Variants in ILRUN observed in about 807,000 individuals in gnomAD.
ILRUN encodes the protein protein ILRUN.
ILRUN carries 3 observed loss-of-function variants against 33.8 expected under a neutral mutation model. That is an observed-to-expected ratio of 0.09 (90% CI 0.04 to 0.23). The LOEUF (loss-of-function observed/expected upper bound fraction) is 0.23, where lower values mean the gene tolerates loss of function less well. Ranked by LOEUF, ILRUN falls within the 10% of genes least tolerant of loss-of-function variation. The pLI is 1.00. For missense variants in ILRUN, 210 were observed against 375.1 expected, an observed-to-expected ratio of 0.56 and a Z score of 3.64; for synonymous variants, 124 against 138.9, an observed-to-expected ratio of 0.89 and a Z score of 0.75.
chr6:34,676,394 TTC>T (rs1394367763), intron 1 of ILRUN, among the ~76,000 whole-genome samples: 3 of 141,096 alleles, frequency 2.1e-5, no homozygotes, highest in Non-Finnish European at 1.5e-5. Context: ...GCAAGACCCT[TTC>T]TCTCTCTCCA....
rs1040381540 is a variant in ILRUN, at chr6:34,588,887, A to C, written c.*1678T>G. On this transcript the variant is annotated 3_prime_UTR_variant, in exon 5 of 5. Coordinates refer to ENST00000374023, the MANE Select transcript of ILRUN (RefSeq NM_024294.4). ...AGAAGAGGATGAGGAGGAACAAACAACACACATTTTTTGGAACTCAGACAC... is the reference window on the plus strand; with the variant it reads ...AGAAGAGGATGAGGAGGAACAAACACCACACATTTTTTGGAACTCAGACAC... 9.8e-5 allele frequency: 15 copies of C among 152,844 alleles called. No individual in the cohort carries two copies. Among genetic ancestry groups the C allele is most frequent in the African/African-American group, 2.9e-4 (12 of 41,450 alleles). 9.5% of individuals were successfully genotyped at this position (152,844 alleles called of 1,614,324 possible).
At chr6:34,607,107 C>G (rs926191981) in intron 3 of ILRUN, among the ~76,000 whole-genome samples, 2 of 152,184 alleles carry the variant, frequency 1.3e-5, no homozygotes, top group Non-Finnish European at 2.9e-5. Flanking sequence ...AATTCAAATT[C>G]TAGTATAAAT....
chr6:34,633,893 GA>G, intron 3 of ILRUN, among the ~76,000 whole-genome samples: 1 of 59,100 alleles, frequency 1.7e-5, no homozygotes. Flanking sequence ...GGGAGGGAGG[GA>G]GGGAGGGAGG....
At chr6:34,670,713 A>G (rs1359822714) in intron 1 of ILRUN, among the ~76,000 whole-genome samples, 1 of 151,518 alleles carries the variant, frequency 6.6e-6, no homozygotes, top group Non-Finnish European at 1.5e-5. Flanking sequence ...AAACTTAGCC[A>G]GGTGTGGTGG....
chr6:34,642,437 G>A (rs748185313), intron 3 of ILRUN, among the ~76,000 whole-genome samples: 3 of 152,090 alleles, frequency 2.0e-5, no homozygotes, highest in Admixed American at 6.6e-5. Context: ...ACAAGGGCAG[G>A]GCTTTCAATG....
In ILRUN at chr6:34,590,583, G is replaced by A; in HGVS notation, c.879C>T (p.Tyr293=). 6.2e-7 allele frequency: 1 copy of A among 1,613,650 alleles called. No individual in the cohort carries two copies. The highest frequency in any genetic ancestry group is 8.5e-7 in the Non-Finnish European group (1 of 1,179,590). The change falls in exon 5 of 5, where the codon TAC becomes TAT. Residue 293 remains tyrosine, a synonymous_variant. Coordinates refer to ENST00000374023, the MANE Select transcript of ILRUN (RefSeq NM_024294.4). ...VTYSKGLHGP[Y]PFGQS ...CACCCGTTTAAGACTGGCCGAAGGG[G>A]TAAGGCCCATGGAGCCCCTGGAAGA...
intron 2 of ILRUN, among the ~76,000 whole-genome samples, chr6:34,650,381 T>G (rs1206014135): frequency 6.6e-6 from 1 of 151,344 alleles, no homozygotes; most frequent in Non-Finnish European, 1.5e-5. Context: ...TTAAAAAATA[T>G]TAGGAGCTTA....
At chr6:34,684,542 C>T (rs890146232) in intron 1 of ILRUN, among the ~76,000 whole-genome samples, 2 of 152,070 alleles carry the variant, frequency 1.3e-5, no homozygotes, top group African/African-American at 2.4e-5. Flanking sequence ...CAAAGTAGTG[C>T]GTAAGAGGCT....
At chr6:34,689,415 T>C (rs1763599956) in intron 1 of ILRUN, among the ~76,000 whole-genome samples, 1 of 152,176 alleles carries the variant, frequency 6.6e-6, no homozygotes, top group Non-Finnish European at 1.5e-5. Flanking sequence ...ACAATCTTAC[T>C]TTAAAAATCA....
intron 3 of ILRUN, among the ~76,000 whole-genome samples, chr6:34,642,344 A>G (rs1343093469): frequency 6.6e-6 from 1 of 152,234 alleles, no homozygotes; most frequent in Non-Finnish European, 1.5e-5. Context: ...GATTCAGCTT[A>G]CACAGTTCTG....
At chr6:34,632,790 T>C (rs1209532044) in intron 3 of ILRUN, among the ~76,000 whole-genome samples, 1 of 152,076 alleles carries the variant, frequency 6.6e-6, no homozygotes, top group African/African-American at 2.4e-5. Flanking sequence ...CCCAAAGTGT[T>C]GGGATTACAG....
At chr6:34,650,186 G>C (rs1385220343) in intron 2 of ILRUN, among the ~76,000 whole-genome samples, 1 of 152,094 alleles carries the variant, frequency 6.6e-6, no homozygotes, top group African/African-American at 2.4e-5. Context: ...TGCTGGTAAA[G>C]AGAATTCTGT....
intron 1 of ILRUN, among the ~76,000 whole-genome samples, chr6:34,682,660 G>C (rs1012638374): frequency 5.3e-5 from 8 of 151,994 alleles, no homozygotes; most frequent in African/African-American, 1.4e-4. Context: ...TTTTTGTAGA[G>C]TTGGGGTCTC....
At chr6:34,683,419 CATATATATACAT>C (rs1215838890) in intron 1 of ILRUN, among the ~76,000 whole-genome samples, 70 of 78,568 alleles carry the variant, frequency 8.9e-4, no homozygotes, top group Admixed American at 1.7e-3. Flanking sequence ...TATATATATA[CATATATATACAT>C]ATATATATAC....
chr6:34,659,913 G>T (rs537696033), intron 1 of ILRUN, among the ~76,000 whole-genome samples: 1 of 151,764 alleles, frequency 6.6e-6, no homozygotes, highest in African/African-American at 2.4e-5. Context: ...GACCCACCAC[G>T]CCCGGCCCAT....
chr6:34,605,004 C>A (rs547213794), intron 4 of ILRUN, among the ~76,000 whole-genome samples: 204 of 152,270 alleles, frequency 1.3e-3, no homozygotes, highest in African/African-American at 4.6e-3. Context: ...TTGATCTAGA[C>A]CACATTTAAA....
At chr6:34,622,485 A>G (rs1762031119) in intron 3 of ILRUN, among the ~76,000 whole-genome samples, 1 of 152,160 alleles carries the variant, frequency 6.6e-6, no homozygotes, top group Non-Finnish European at 1.5e-5. Context: ...TCACCGGGGA[A>G]ATGCAAATCA....
intron 3 of ILRUN, among the ~76,000 whole-genome samples, chr6:34,642,404 T>C (rs915596453): frequency 6.6e-6 from 1 of 152,158 alleles, no homozygotes; most frequent in Non-Finnish European, 1.5e-5. Context: ...GTACCAAAAC[T>C]GTTAAACCCA....
At chr6:34,611,521 A>T (rs556688054) in intron 3 of ILRUN, among the ~76,000 whole-genome samples, 1 of 152,174 alleles carries the variant, frequency 6.6e-6, no homozygotes, top group African/African-American at 2.4e-5. Context: ...CTTATATTCC[A>T]GAATGCGTTC....
Sources: gnomAD v4.1 joint callset for allele counts (sites outside exome capture counted in the v4.1 genomes callset) on GRCh38, gnomAD v4.1.1 for gene constraint, MANE v1.5 for transcripts, NCBI Gene and HGNC (gene_info 2026-07-23, HGNC 2026-07-21) for gene names.